CSMD1: variants seen among roughly 807,000 people sequenced by gnomAD.
CSMD1 encodes CUB and Sushi multiple domains 1, also known as CUB and sushi domain-containing protein 1.
A neutral mutation model predicts 417.5 loss-of-function variants in CSMD1; 213 were observed. The ratio of observed to expected loss-of-function variants is 0.51; its 90% CI spans 0.46 to 0.57. CSMD1 has a LOEUF of 0.57. Ranked by LOEUF, CSMD1 falls within the 20% of genes least tolerant of loss-of-function variation. CSMD1 has a pLI of 0.00. For missense variants in CSMD1, 6,923 were observed against 4,529.7 expected (o/e 1.53, Z -15.17); for synonymous variants, 2,862 against 1,736.8 (o/e 1.65, Z -16.11).
intron 7 of CSMD1, among the ~76,000 whole-genome samples, chr8:3,621,964 T>C (rs985154785): frequency 2.7e-5 from 3 of 110,494 alleles, no homozygotes; most frequent in African/African-American, 1.1e-4. Context: ...CTGTCTTATG[T>C]CTCTCTCTCT....
chr8:4,471,077 C>G (rs1015075315), intron 2 of CSMD1, among the ~76,000 whole-genome samples: 1 of 152,062 alleles, frequency 6.6e-6, no homozygotes, highest in African/African-American at 2.4e-5. Context: ...CAGTTAAAAT[C>G]TTTGACATAT....
At chr8:4,782,322 C>G (rs756960354) in intron 1 of CSMD1, among the ~76,000 whole-genome samples, 1 of 152,120 alleles carries the variant, frequency 6.6e-6, no homozygotes, top group African/African-American at 2.4e-5. Context: ...TTGATTTGAT[C>G]ATAACACAAT....
chr8:3,911,532 TAA>T (rs1012148560), intron 5 of CSMD1, among the ~76,000 whole-genome samples: 29 of 114,184 alleles, frequency 2.5e-4, no homozygotes, highest in Non-Finnish European at 2.8e-4. Context: ...CGTCTCAAAA[TAA>T]AAAAAAAAAA....
chr8:3,861,917 T>G (rs145447484), intron 5 of CSMD1, among the ~76,000 whole-genome samples: 5 of 152,146 alleles, frequency 3.3e-5, no homozygotes, highest in Admixed American at 3.3e-4. Flanking sequence ...CATTCCAGGA[T>G]TTCCTTGCTC....
At chr8:3,522,509 G>C (rs763888583) in intron 10 of CSMD1, among the ~76,000 whole-genome samples, 6 of 152,064 alleles carry the variant, frequency 3.9e-5, no homozygotes, top group South Asian at 2.1e-4. Flanking sequence ...TGTGAGTTTT[G>C]TTTACTGGAA....
At chr8:3,812,353 C>A (rs1801136128) in intron 5 of CSMD1, among the ~76,000 whole-genome samples, 2 of 152,050 alleles carry the variant, frequency 1.3e-5, no homozygotes, top group Admixed American at 1.3e-4. Context: ...ACAATTTGTC[C>A]TCAGCCTCTA....
At chr8:4,010,230 GCTA>G (rs1387332386) in intron 4 of CSMD1, among the ~76,000 whole-genome samples, 5 of 152,016 alleles carry the variant, frequency 3.3e-5, no homozygotes, top group Non-Finnish European at 5.9e-5. Flanking sequence ...GCATCTCATG[GCTA>G]CTTCCAGGTG....
At chr8:3,539,816 C>A (rs1376107088) in intron 10 of CSMD1, among the ~76,000 whole-genome samples, 1 of 149,246 alleles carries the variant, frequency 6.7e-6, no homozygotes, top group African/African-American at 2.4e-5. Flanking sequence ...GGAAAGAAAA[C>A]TCTAGACGTG....
At chr8:3,292,192 C>A (rs888331303) in intron 25 of CSMD1, among the ~76,000 whole-genome samples, 1 of 152,150 alleles carries the variant, frequency 6.6e-6, no homozygotes, top group African/African-American at 2.4e-5. Flanking sequence ...GTCTGAGAGA[C>A]AGTTTGTTGT....
rs201535058 is a variant in CSMD1 at position 3,658,171 on chromosome 8, G to A, written c.1010-41374C>T. 6.6e-5 allele frequency among the ~76,000 whole-genome samples: 10 copies of A among 152,030 alleles called. No individual in the cohort carries two copies. The East Asian group carries it at 1.4e-3, about 21-fold the overall frequency. On this transcript the variant is annotated intron_variant, in intron 7 of 69. Transcript: ENST00000635120. Reference sequence around the variant, plus strand: ...TTATCTCTCTCAGAATGTAACTCCAGAAGATACAATTTTCTATGTAAACTG... The same window carrying A: ...TTATCTCTCTCAGAATGTAACTCCAAAAGATACAATTTTCTATGTAAACTG...
At chr8:4,461,701 C>G (rs999320380) in intron 2 of CSMD1, among the ~76,000 whole-genome samples, 10 of 151,190 alleles carry the variant, frequency 6.6e-5, no homozygotes, top group Admixed American at 3.3e-4. Context: ...TGGGCAAACA[C>G]CACCATAGCC....
intron 1 of CSMD1, among the ~76,000 whole-genome samples, chr8:4,763,548 G>A (rs1189822685): frequency 6.6e-6 from 1 of 152,120 alleles, no homozygotes; most frequent in Non-Finnish European, 1.5e-5. Flanking sequence ...GGGCACCATA[G>A]AAAGAGCAGA....
At chr8:4,949,218 A>G (rs568469341) in intron 1 of CSMD1, among the ~76,000 whole-genome samples, 171 of 152,230 alleles carry the variant, frequency 1.1e-3, no homozygotes, top group African/African-American at 4.0e-3. Context: ...TGGTTTGTCT[A>G]TAATTTTTTT....
At position 4,837,412 on chromosome 8, in the gene CSMD1, T is replaced by A. The variant is rs938243978; in HGVS notation, c.85+156920A>T. Among the ~76,000 whole-genome samples, 23 of 152,110 alleles carry A rather than the reference T, an allele frequency of 1.5e-4. 1 individual carries two copies. The highest frequency in any genetic ancestry group is 6.2e-4 in the South Asian group (3 of 4,830). Reference sequence around the variant, plus strand: ...GACACCATGGAGTACTATTCAACCATAAAAAGAATGAGATTCTATCATTTG... The same window carrying A: ...GACACCATGGAGTACTATTCAACCAAAAAAAGAATGAGATTCTATCATTTG... On this transcript the variant is annotated intron_variant, in intron 1 of 69. Transcript: ENST00000635120.
At chr8:2,990,639 C>G (rs757289055) in intron 54 of CSMD1, among the ~76,000 whole-genome samples, 3 of 152,212 alleles carry the variant, frequency 2.0e-5, no homozygotes, top group Non-Finnish European at 4.4e-5. Flanking sequence ...GTGAGCGATT[C>G]CATTCCTCCT....
At chr8:4,570,400 C>G (rs1264329568) in intron 2 of CSMD1, among the ~76,000 whole-genome samples, 1 of 152,050 alleles carries the variant, frequency 6.6e-6, no homozygotes, top group Non-Finnish European at 1.5e-5. Flanking sequence ...AATCATGTGG[C>G]TTTTGTCACT....
chr8:3,750,148 G>T (rs935687811), intron 6 of CSMD1, among the ~76,000 whole-genome samples: 1 of 152,084 alleles, frequency 6.6e-6, no homozygotes, highest in Non-Finnish European at 1.5e-5. Flanking sequence ...GGTTTCTTAG[G>T]AATTCCAGAT....
chr8:3,772,470 C>CAT (rs34875542), intron 5 of CSMD1, among the ~76,000 whole-genome samples: 1 of 38,582 alleles, frequency 2.6e-5, no homozygotes, highest in Admixed American at 2.4e-4. Flanking sequence ...CATATATACA[C>CAT]ATATATATAC....
chr8:3,396,074 T>C (rs1811677718), intron 17 of CSMD1, 120 bp downstream of exon 17: 11 of 809,938 alleles, frequency 1.4e-5, no homozygotes, highest in East Asian at 2.7e-5. Flanking sequence ...ATGGTTTTGC[T>C]AGAGTCAAGC....
Sources: gnomAD v4.1 joint callset for allele counts (sites outside exome capture counted in the v4.1 genomes callset) on GRCh38, gnomAD v4.1.1 for gene constraint, MANE v1.5 for transcripts, NCBI Gene and HGNC (gene_info 2026-07-23, HGNC 2026-07-21) for gene names.